NF1: variants seen among roughly 807,000 people sequenced by gnomAD.
NF1 encodes the protein neurofibromin 1.
A neutral mutation model predicts 325.7 loss-of-function variants in NF1; 122 were observed. The observed-to-expected ratio is 0.37, with a 90% confidence interval of 0.32 to 0.44. NF1 has a LOEUF of 0.44. NF1 is among the 20% of genes least tolerant of loss of function. The probability of loss-of-function intolerance (pLI) is 1.00; values close to 1 mark genes in which losing one functional copy is unlikely to be tolerated. For missense variants in NF1, 2,140 were observed against 3,415.4 expected (o/e 0.63, Z 9.31); for synonymous variants, 1,091 against 1,186.0 (o/e 0.92, Z 1.65).
intron 36 of NF1, among the ~76,000 whole-genome samples, chr17:31,310,990 G>A (rs922753365): frequency 4.8e-5 from 7 of 146,542 alleles, no homozygotes; most frequent in African/African-American, 1.5e-4. Context: ...TCTGTCACCC[G>A]GGTTGCAGTG....
chr17:31,265,097 C>T, intron 35 of NF1, 132 bp from the exon 36 acceptor site: 1 of 659,780 alleles, frequency 1.5e-6, no homozygotes, highest in Non-Finnish European at 2.6e-6. Context: ...TGCCAAATTA[C>T]CCTTTAGAAT....
Position 31,326,153 on chromosome 17 carries a change from A to G in NF1, c.5169A>G (p.Gln1723=), listed in dbSNP as rs864622372. 2 of 1,613,166 alleles carry G rather than the reference A, an allele frequency of 1.2e-6. No individual in the cohort carries two copies. Among genetic ancestry groups the G allele is most frequent in the East Asian group, 2.2e-5 (1 of 44,880 alleles). The change falls in exon 37 of 58, where the codon CAA becomes CAG. Residue 1723 remains glutamine, a synonymous_variant. Transcript: ENST00000358273. The part of the protein sequence containing the change: ...GKLAEHIEHE[Q]QKLPAATLAL... ...TGGCTGAGCACATAGAGCATGAACA[A>G]CAGAAACTACCTGCTGCCACCTTGG...
intron 36 of NF1, among the ~76,000 whole-genome samples, chr17:31,313,087 C>T (rs147755174): frequency 1.5e-3 from 229 of 152,080 alleles, no homozygotes; most frequent in Admixed American, 3.5e-3. Flanking sequence ...TTCATGTCAT[C>T]ATTATTAAAT....
At chr17:31,291,535 T>C (rs1032711644) in intron 36 of NF1, among the ~76,000 whole-genome samples, 5 of 152,220 alleles carry the variant, frequency 3.3e-5, no homozygotes, top group Non-Finnish European at 7.3e-5. Context: ...AATAGAAATA[T>C]GTTATTCTTC....
chr17:31,318,443 C>T lies in NF1; in HGVS notation c.4836-7377C>T, dbSNP rs149657471. 107 of 1,613,958 alleles carry T rather than the reference C, an allele frequency of 6.6e-5. No homozygotes were observed. In the African/African-American group the frequency reaches 1.2e-3, roughly 18 times the overall value. On this transcript the variant is annotated intron_variant, in intron 36 of 57. Coordinates refer to ENST00000358273, the MANE Select transcript of NF1 (RefSeq NM_001042492.3). The stretch of plus-strand genomic sequence containing the variant: ...GTTCTTTTCCAAGTGTCTGATTCAG[C>T]GGGCCATAGACCGCTTGCCAGAAAA...
chr17:31,227,712 T>G, intron 20 of NF1, 106 bp downstream of exon 20: 1 of 946,082 alleles, frequency 1.1e-6, no homozygotes, highest in African/African-American at 1.6e-5. Context: ...CATATAGCTG[T>G]GTGAAGACTG....
At chr17:31,203,439 C>T (rs565283777) in intron 11 of NF1, among the ~76,000 whole-genome samples, 2 of 152,000 alleles carry the variant, frequency 1.3e-5, no homozygotes, top group African/African-American at 2.4e-5. Context: ...GGTAGTGATA[C>T]TTTATTATTA....
In NF1 at chr17:31,290,652, T is replaced by C. The variant is rs148125017; in HGVS notation, c.4835+25313T>C. On this transcript the variant is annotated intron_variant, in intron 36 of 57. Coordinates refer to ENST00000358273, the MANE Select transcript of NF1 (RefSeq NM_001042492.3). ...TGTTTCTATATTGTGGTTATCTTTC[T>C]GTTTTTATGCCACTATCATTCTGTA... Among the ~76,000 whole-genome samples, 125 of 152,312 alleles carry C rather than the reference T, an allele frequency of 8.2e-4. 2 individuals are homozygous for C. In the East Asian group the frequency reaches 0.023, roughly 28 times the overall value.
chr17:31,344,640 T>C (rs2069922870), intron 48 of NF1, among the ~76,000 whole-genome samples: 1 of 152,278 alleles, frequency 6.6e-6, no homozygotes, highest in Admixed American at 6.5e-5. Context: ...CACTTTCTTA[T>C]GAAATTTCTA....
chr17:31,272,578 T>C (rs970848896), intron 36 of NF1: 1 of 152,250 alleles, frequency 6.6e-6, no homozygotes, highest in Admixed American at 6.5e-5. Flanking sequence ...TCTGGGCTTA[T>C]CCCAGGATTG....
intron 29 of NF1, among the ~76,000 whole-genome samples, chr17:31,240,101 CTT>C (rs767113167): frequency 1.1e-3 from 171 of 152,272 alleles, no homozygotes; most frequent in Middle Eastern, 0.01. Flanking sequence ...CAATTATACT[CTT>C]TTAGTGATTT....
At chr17:31,203,510 G>A (rs1233850787) in intron 11 of NF1, among the ~76,000 whole-genome samples, 1 of 152,032 alleles carries the variant, frequency 6.6e-6, no homozygotes, top group Non-Finnish European at 1.5e-5. Context: ...GAGGCTAATC[G>A]CTATTGAATC....
intron 36 of NF1, among the ~76,000 whole-genome samples, chr17:31,276,208 CAAAAAAAAAA>C (rs57914332): frequency 1.3e-5 from 1 of 78,936 alleles, no homozygotes; most frequent in African/African-American, 5.1e-5. Context: ...GACTCCATCT[CAAAAAAAAAA>C]AAAAAAAAAA....
In NF1 at chr17:31,139,375, GACACACAC is replaced by G. The variant is rs58863782; in HGVS notation, c.61-16577_61-16570del. Among the ~76,000 whole-genome samples, 1,276 of 144,172 alleles carry G rather than the reference GACACACAC, an allele frequency of 8.9e-3. 21 individuals carry two copies. The highest frequency in any genetic ancestry group is 0.031 in the African/African-American group (1,214 of 39,440). 94.6% of individuals were successfully genotyped at this position (144,172 alleles called of 152,430 possible). A position where few individuals can be genotyped will look rare whatever the true frequency, so the allele number is the denominator to read the frequency against. On this transcript the variant is annotated intron_variant, in intron 1 of 57. Transcript: ENST00000358273. Reference sequence around the variant, plus strand: ...TCTTAGATCTTAAATGTTTTACACAGACACACACACACACACACACACACACACACACA... The same window carrying G: ...TCTTAGATCTTAAATGTTTTACACAGACACACACACACACACACACACACA...
chr17:31,141,528 A>G (rs1403490039), intron 1 of NF1, among the ~76,000 whole-genome samples: 1 of 152,202 alleles, frequency 6.6e-6, no homozygotes, highest in Non-Finnish European at 1.5e-5. Context: ...CTGTTGGGAT[A>G]AAGTCTTATT....
chr17:31,245,236 T>A (rs1425253671), intron 29 of NF1, among the ~76,000 whole-genome samples: 1 of 152,228 alleles, frequency 6.6e-6, no homozygotes, highest in Non-Finnish European at 1.5e-5. Flanking sequence ...CTCCATATCT[T>A]AAGATTTGGA....
At chr17:31,264,304 G>A (rs185439985) in intron 35 of NF1, among the ~76,000 whole-genome samples, 1 of 152,020 alleles carries the variant, frequency 6.6e-6, no homozygotes, top group Admixed American at 6.6e-5. Flanking sequence ...CCAGCTACTT[G>A]GGAGGCCAAG....
chr17:31,325,820 G>A lies in NF1; in HGVS notation c.4836G>A (p.Arg1612=), dbSNP rs1555533268. 1.2e-6 allele frequency: 2 copies of A among 1,613,194 alleles called. No homozygotes were observed. Among genetic ancestry groups the A allele is most frequent in the African/African-American group, 2.7e-5 (2 of 74,842 alleles). Reference sequence around the variant, plus strand: ...TTGTCTTTTTTGTCATTTTCCTTAGGTTCAAAACTGGTCAAATCAATGGTG... The same window carrying A: ...TTGTCTTTTTTGTCATTTTCCTTAGATTCAAAACTGGTCAAATCAATGGTG... The part of the protein sequence containing the change: ...GNPIFYYVAR[R]FKTGQINGDL... Residue 1612 remains arginine (R), a splice_region_variant and synonymous_variant, in exon 37 of 58, where the codon AGG becomes AGA. Coordinates refer to ENST00000358273, the MANE Select transcript of NF1 (RefSeq NM_001042492.3).
intron 57 of NF1, among the ~76,000 whole-genome samples, chr17:31,366,155 G>A (rs1458754900): frequency 6.6e-6 from 1 of 151,770 alleles, no homozygotes; most frequent in Non-Finnish European, 1.5e-5. Context: ...TGCTGGTCTC[G>A]AACTCCTGAC....
Sources: gnomAD v4.1 joint callset for allele counts (sites outside exome capture counted in the v4.1 genomes callset) on GRCh38, gnomAD v4.1.1 for gene constraint, MANE v1.5 for transcripts, NCBI Gene and HGNC (gene_info 2026-07-23, HGNC 2026-07-21) for gene names.